Variants in GLIS3 observed in about 807,000 individuals in gnomAD.
GLIS3 encodes GLIS family zinc finger 3, also known as zinc finger protein GLIS3.
In GLIS3, 53 loss-of-function variants were observed where a neutral mutation model predicts 78.6. The ratio of observed to expected loss-of-function variants is 0.67; its 90% CI spans 0.54 to 0.85. The LOEUF is 0.85. GLIS3 is among the 40% of genes least tolerant of loss of function. GLIS3 has a pLI of 0.00. For missense variants in GLIS3, 1,703 were observed against 1,231.1 expected (o/e 1.38, Z -5.74); for synonymous variants, 684 against 509.9 (o/e 1.34, Z -4.60).
the GLIS3 span, among the ~76,000 whole-genome samples, chr9:4,456,513 T>G: frequency 6.6e-6 from 1 of 152,236 alleles, no homozygotes; most frequent in Non-Finnish European, 1.5e-5. Flanking sequence ...TCTGCTTTCT[T>G]ATCACTTGTG....
chr9:4,169,813 G>C (rs929608645), intron 2 of GLIS3, among the ~76,000 whole-genome samples: 1 of 152,140 alleles, frequency 6.6e-6, no homozygotes, highest in African/African-American at 2.4e-5. Context: ...GAGTATAGGA[G>C]AATTCGGTAC....
intron 2 of GLIS3, among the ~76,000 whole-genome samples, chr9:4,338,803 A>G (rs1336335539): frequency 6.6e-6 from 1 of 152,176 alleles, no homozygotes; most frequent in African/African-American, 2.4e-5. Flanking sequence ...GAGCCTGGAA[A>G]AAGCACTGTT....
chr9:4,356,536 G>C, the GLIS3 span, among the ~76,000 whole-genome samples: 1 of 152,210 alleles, frequency 6.6e-6, no homozygotes, highest in Non-Finnish European at 1.5e-5. Flanking sequence ...GAAATTGAAG[G>C]CTTTGCCAAG....
chr9:4,032,370 T>A (rs796139011), intron 4 of GLIS3, among the ~76,000 whole-genome samples: 3 of 152,304 alleles, frequency 2.0e-5, no homozygotes, highest in East Asian at 3.9e-4. Flanking sequence ...AGAACCAACT[T>A]TCACAGAAGT....
chr9:4,365,615 A>G, the GLIS3 span, among the ~76,000 whole-genome samples: 2 of 152,168 alleles, frequency 1.3e-5, no homozygotes, highest in Non-Finnish European at 2.9e-5. Flanking sequence ...AAAACCTTGC[A>G]TTGCATCTTA....
chr9:3,845,209 C>T (rs2130115634), intron 9 of GLIS3, among the ~76,000 whole-genome samples: 1 of 152,114 alleles, frequency 6.6e-6, no homozygotes, highest in South Asian at 2.1e-4. Flanking sequence ...ATGACCTATT[C>T]TTATGAGAGC....
chr9:4,052,793 C>T (rs1206031088), intron 4 of GLIS3, among the ~76,000 whole-genome samples: 3 of 152,122 alleles, frequency 2.0e-5, no homozygotes, highest in East Asian at 1.9e-4. Flanking sequence ...TTCATGTAAA[C>T]GTTTTTGTTT....
At chr9:4,453,991 T>C in the GLIS3 span, among the ~76,000 whole-genome samples, 1 of 151,498 alleles carries the variant, frequency 6.6e-6, no homozygotes, top group East Asian at 1.9e-4. Context: ...GAACTTAAAG[T>C]ATAATAAAAA....
At position 3,932,389 on chromosome 9, in the gene GLIS3, A is replaced by T; in HGVS notation, c.1954T>A (p.Ser652Thr). The change falls in exon 6 of 11, where the codon TCT becomes ACT. Residue 652 changes from serine to threonine, a missense_variant. Ser to Thr is a moderately conservative substitution (Grantham distance 58, BLOSUM62 1). Coordinates refer to ENST00000381971, the MANE Select transcript of GLIS3 (RefSeq NM_001042413.2). ...SSLRKHVKAH[S>T]SKEQQARKKL... is the part of the protein sequence containing the mutation. ...TTCCTTGCTTGTTGCTCTTTGGAAGAATGTGCCTTCACATGCTTTCTTAGG... is the reference window on the plus strand; with the variant it reads ...TTCCTTGCTTGTTGCTCTTTGGAAGTATGTGCCTTCACATGCTTTCTTAGG... 1 of 1,613,548 alleles carries T rather than the reference A, an allele frequency of 6.2e-7. No individual in the cohort carries two copies. The highest frequency in any genetic ancestry group is 8.5e-7 in the Non-Finnish European group (1 of 1,179,590).
chr9:4,338,295 G>A (rs1253813041), intron 2 of GLIS3, among the ~76,000 whole-genome samples: 2 of 151,884 alleles, frequency 1.3e-5, no homozygotes, highest in African/African-American at 2.4e-5. Context: ...TAGACCTACT[G>A]AATGAGACTT....
the GLIS3 span, among the ~76,000 whole-genome samples, chr9:4,398,657 C>CT: frequency 6.6e-6 from 1 of 151,958 alleles, no homozygotes; most frequent in Non-Finnish European, 1.5e-5. Context: ...ATTCTCTGGA[C>CT]TGTGAAGTAG....
At chr9:4,358,533 A>G in the GLIS3 span, among the ~76,000 whole-genome samples, 1 of 152,196 alleles carries the variant, frequency 6.6e-6, no homozygotes, top group Non-Finnish European at 1.5e-5. Flanking sequence ...ACTATGTTCC[A>G]GCACGTTTCT....
the GLIS3 span, among the ~76,000 whole-genome samples, chr9:4,400,162 C>T: frequency 3.3e-5 from 5 of 152,152 alleles, no homozygotes; most frequent in African/African-American, 9.7e-5. Context: ...GATGGCTCTT[C>T]CCCTATCGCT....
chr9:4,293,717 G>A (rs905325288), intron 1 of GLIS3, among the ~76,000 whole-genome samples: 4 of 152,228 alleles, frequency 2.6e-5, no homozygotes, highest in Non-Finnish European at 4.4e-5. Context: ...TAGAACTTTA[G>A]AAATCACTGG....
rs151160875 is a variant in GLIS3 at position 4,118,705 on chromosome 9, G to A, written c.773C>T (p.Thr258Ile). 4.3e-6 allele frequency: 7 copies of A among 1,613,990 alleles called. No individual in the cohort carries two copies. In the Admixed American group the frequency reaches 1.0e-4, roughly 23 times the overall value. Reference sequence around the variant, plus strand: ...AGAGACACTATTGCTGGACATGGATGTCCCGGGAGGAAGGCTAAGGAGATC... The same window carrying A: ...AGAGACACTATTGCTGGACATGGATATCCCGGGAGGAAGGCTAAGGAGATC... Reference protein sequence around the residue: ...LGDLLSLPPGTSMSSNSVSNS... With the variant: ...LGDLLSLPPGISMSSNSVSNS... Residue 258 changes from threonine (T) to isoleucine (I), a missense_variant, in exon 4 of 11, where the codon ACA (threonine) becomes ATA (isoleucine). By Grantham distance (89) the Thr-to-Ile change is moderately conservative. Transcript: ENST00000381971. This position sits in a 1 kb window ranked among gnomAD's most constrained non-coding sequence, Gnocchi z 4.7.
At chr9:4,392,055 G>A in the GLIS3 span, among the ~76,000 whole-genome samples, 1 of 152,270 alleles carries the variant, frequency 6.6e-6, no homozygotes, top group African/African-American at 2.4e-5. Flanking sequence ...TATACACCAT[G>A]GAATACTATA....
intron 4 of GLIS3, among the ~76,000 whole-genome samples, chr9:4,084,292 CACA>C (rs768210528): frequency 0.032 from 3,026 of 93,550 alleles, 40 homozygotes; most frequent in Non-Finnish European, 0.048. Flanking sequence ...CACACACACA[CACA>C]AATTCCTAGC....
intron 2 of GLIS3, among the ~76,000 whole-genome samples, chr9:4,224,162 A>T (rs1313815138): frequency 6.6e-6 from 1 of 152,202 alleles, no homozygotes; most frequent in Non-Finnish European, 1.5e-5. Context: ...TTGCACTCTG[A>T]TTAAAACCCA....
chr9:4,103,581 C>G (rs1830536615), intron 4 of GLIS3, among the ~76,000 whole-genome samples: 1 of 152,206 alleles, frequency 6.6e-6, no homozygotes, highest in African/African-American at 2.4e-5. Flanking sequence ...GTCTTCCAGT[C>G]TGTTCCTGGA....
Sources: allele counts gnomAD v4.1 joint callset (sites outside exome capture counted in the v4.1 genomes callset), GRCh38; gene constraint gnomAD v4.1.1; non-coding constraint Gnocchi (gnomAD v3.1); transcripts MANE v1.5; gene names NCBI Gene and HGNC (gene_info 2026-07-23, HGNC 2026-07-21).